Variants in TNRC18 observed in about 807,000 individuals in gnomAD.
TNRC18 encodes trinucleotide repeat-containing gene 18 protein.
In TNRC18, 69 loss-of-function variants were observed where a neutral mutation model predicts 226.7. The ratio of observed to expected loss-of-function variants is 0.30; its 90% CI spans 0.25 to 0.37. The LOEUF (loss-of-function observed/expected upper bound fraction) is 0.37, where lower values mean the gene tolerates loss of function less well. TNRC18 is among the 10% of genes least tolerant of loss of function. The probability of loss-of-function intolerance (pLI) is 1.00; values close to 1 mark genes in which losing one functional copy is unlikely to be tolerated. For synonymous variants in TNRC18, 2,449 were observed against 1,927.6 expected, an observed-to-expected ratio of 1.27 and a Z score of -7.09; for missense variants, 4,754 against 4,256.6, an observed-to-expected ratio of 1.12 and a Z score of -3.25.
chr7:5,374,211 C>CGGGGGGGGGGG lies in TNRC18; in HGVS notation c.3072_3073insCCCCCCCCCCC (p.Ala1025ProfsTer138). ...CTGGTGGGGTGGGAGCTGGGGGTGGCGGGGTAGGCGTAGGCGGGTGGCTTG... is the reference window on the plus strand; with the variant it reads ...CTGGTGGGGTGGGAGCTGGGGGTGGCGGGGGGGGGGGGGGGTAGGCGTAGGCGGGTGGCTTG... On this transcript the variant is annotated frameshift_variant, in exon 10 of 30. Transcript: ENST00000430969. LOFTEE classifies it high-confidence loss of function. 1.2e-6 allele frequency: 1 copy of CGGGGGGGGGGG among 841,668 alleles called. No individual in the cohort carries two copies. Among genetic ancestry groups the CGGGGGGGGGGG allele is most frequent in the Non-Finnish European group, 1.4e-6 (1 of 691,108 alleles). The allele number at this position is 841,668 out of a possible 1,614,324, so 52.1% of individuals were successfully genotyped here.
intron 17 of TNRC18, among the ~76,000 whole-genome samples, chr7:5,350,170 C>A (rs1791639251): frequency 6.6e-6 from 1 of 151,984 alleles, no homozygotes; most frequent in Non-Finnish European, 1.5e-5. Context: ...CGTAAACTAA[C>A]CCAGCTCATC....
chr7:5,337,103 G>C (rs1468572990), intron 18 of TNRC18, among the ~76,000 whole-genome samples: 13 of 152,082 alleles, frequency 8.5e-5, no homozygotes, highest in Admixed American at 8.5e-4. Flanking sequence ...GGCTGACAAA[G>C]ATAAACACGA....
chr7:5,315,997 A>AG lies in TNRC18; in HGVS notation c.6820dup (p.Leu2274ProfsTer10). ...AGGGGGCAGGAGGCGGATATGTGAG[A>AG]GGGGGATCCTGCCCGTGTCTCCGTC... is the stretch of plus-strand genomic sequence containing the variant. On this transcript the variant is annotated frameshift_variant, in exon 25 of 30. Transcript: ENST00000430969. LOFTEE classifies it high-confidence loss of function. 6.2e-7 allele frequency: 1 copy of AG among 1,602,770 alleles called. No homozygotes were observed. The highest frequency in any genetic ancestry group is 1.1e-5 in the South Asian group (1 of 89,440).
chr7:5,390,232 G>C (rs1445905963), intron 4 of TNRC18: 5 of 532,904 alleles, frequency 9.4e-6, no homozygotes, highest in East Asian at 6.2e-5. Context: ...GGCTGTGGTG[G>C]GGTGTGTCTG....
chr7:5,408,596 C>T (rs1781638025), intron 2 of TNRC18, among the ~76,000 whole-genome samples: 1 of 152,074 alleles, frequency 6.6e-6, no homozygotes, highest in African/African-American at 2.4e-5. Context: ...GAGCCAAGAT[C>T]ACGCCACTGC....
Position 5,377,348 on chromosome 7 carries a change from G to A in TNRC18, c.2461+23C>T, listed in dbSNP as rs1398628653. 6.7e-7 allele frequency: 1 copy of A among 1,501,238 alleles called. No homozygotes were observed. Among genetic ancestry groups the A allele is most frequent in the African/African-American group, 1.4e-5 (1 of 72,224 alleles). The allele number at this position is 1,501,238 out of a possible 1,614,324, so 93.0% of individuals were successfully genotyped here. On this transcript the variant is annotated intron_variant, in intron 7 of 29. Coordinates refer to ENST00000430969, the MANE Select transcript of TNRC18 (RefSeq NM_001080495.3). This position sits in a 1 kb window ranked among gnomAD's most constrained non-coding sequence, Gnocchi z 5.8. ...CCCACCCCTCCCTCAGAGAAGGGGAGAGACCCTGTGCCCCACACTCACCGT... is the reference window on the plus strand; with the variant it reads ...CCCACCCCTCCCTCAGAGAAGGGGAAAGACCCTGTGCCCCACACTCACCGT...
chr7:5,420,432 C>G (rs1782487779), intron 2 of TNRC18: 1 of 455,722 alleles, frequency 2.2e-6, no homozygotes, highest in African/African-American at 2.0e-5. Flanking sequence ...CCGGGGTCGC[C>G]GCCCTCCTAC....
chr7:5,369,354 A>C (rs1793937472), intron 11 of TNRC18, among the ~76,000 whole-genome samples: 1 of 152,190 alleles, frequency 6.6e-6, no homozygotes, highest in South Asian at 2.1e-4. Context: ...GGCTCAAAAA[A>C]AGAAAAACAA....
At position 5,357,190 on chromosome 7, in the gene TNRC18, G is replaced by T; in HGVS notation, c.4920C>A (p.Asp1640Glu). 6.2e-7 allele frequency: 1 copy of T among 1,610,612 alleles called. No homozygotes were observed. The highest frequency in any genetic ancestry group is 8.5e-7 in the Non-Finnish European group (1 of 1,178,612). Residue 1640 changes from aspartate (D) to glutamate (E), a missense_variant, in exon 16 of 30, where the codon GAC (aspartate) becomes GAA (glutamate). Transcript: ENST00000430969. ...AAAACTTGAAGGGCGACTTCAACTT[G>T]TCCTGCTTGGTGAGGGAGAGGGCCT... ...LDKALSLTKQDKLKSPFKFSD... is the reference protein window; with the variant it reads ...LDKALSLTKQEKLKSPFKFSD...
Position 5,423,587 on chromosome 7 carries a change from G to A in TNRC18, c.-390C>T, listed in dbSNP as rs1782698203. 1 of 151,716 alleles carries A rather than the reference G, an allele frequency of 6.6e-6. No individual in the cohort carries two copies. The highest frequency in any genetic ancestry group is 1.5e-5 in the Non-Finnish European group (1 of 67,864). 9.4% of individuals were successfully genotyped at this position (151,716 alleles called of 1,614,324 possible). A position where few individuals can be genotyped will look rare whatever the true frequency, so the allele number is the denominator to read the frequency against. ...CACCCGCAGCCGCCTCACACTTTTT[G>A]CCCGCCTTTCCTTTTTTTGGTAGAA... On this transcript the variant is annotated 5_prime_UTR_variant, in exon 1 of 30. Coordinates refer to ENST00000430969, the MANE Select transcript of TNRC18 (RefSeq NM_001080495.3).
intron 5 of TNRC18, among the ~76,000 whole-genome samples, chr7:5,380,308 T>G (rs904778263): frequency 1.3e-5 from 2 of 152,172 alleles, no homozygotes; most frequent in Non-Finnish European, 2.9e-5. Flanking sequence ...TAGCCAGGCA[T>G]GGTGTCATGC....
chr7:5,380,639 C>T (rs936201526), intron 5 of TNRC18, among the ~76,000 whole-genome samples: 5 of 152,186 alleles, frequency 3.3e-5, no homozygotes, highest in African/African-American at 4.8e-5. Context: ...CCAACATCAA[C>T]GTAGCTCCTG....
Position 5,370,920 on chromosome 7 carries a change from C to T in TNRC18, c.3674G>A (p.Gly1225Glu). ...CGGGGAATCCACCCGTGGTTCAGGCCCCTCCACAAAGTCTGGACACTCAGA... is the reference window on the plus strand; with the variant it reads ...CGGGGAATCCACCCGTGGTTCAGGCTCCTCCACAAAGTCTGGACACTCAGA... ...EPSECPDFVE[G>E]PEPRVDSPGR... Residue 1225 changes from glycine (G) to glutamate (E), a missense_variant, in exon 11 of 30, where the codon GGG becomes GAG. By Grantham distance (98) the Gly-to-Glu change is moderately conservative. Transcript: ENST00000430969. 1 of 1,605,512 alleles carries T rather than the reference C, an allele frequency of 6.2e-7. No individual in the cohort carries two copies. Among genetic ancestry groups the T allele is most frequent in the Non-Finnish European group, 8.5e-7 (1 of 1,179,730 alleles).
intron 14 of TNRC18, among the ~76,000 whole-genome samples, chr7:5,360,257 G>A (rs1206779556): frequency 6.6e-6 from 1 of 151,568 alleles, no homozygotes; most frequent in Non-Finnish European, 1.5e-5. Context: ...TTTAGATGGA[G>A]TCTCACTCTG....
chr7:5,372,825 C>T (rs940902645), intron 10 of TNRC18, among the ~76,000 whole-genome samples: 4 of 152,116 alleles, frequency 2.6e-5, no homozygotes, highest in Non-Finnish European at 4.4e-5. Context: ...GAGATCAAGA[C>T]CAGCCTTGGC....
intron 15 of TNRC18, 126 bp downstream of exon 15, chr7:5,359,272 G>T: frequency 1.0e-6 from 1 of 1,002,836 alleles, no homozygotes; most frequent in Non-Finnish European, 1.5e-6. Context: ...TTCCGGCATT[G>T]AAGACAACCA....
At chr7:5,420,851 A>G (rs1183948595) in intron 2 of TNRC18, 1 of 737,164 alleles carries the variant, frequency 1.4e-6, no homozygotes, top group Admixed American at 2.0e-5. Flanking sequence ...CAAGCACGCT[A>G]CGGAAAAGGT....
rs1471674058 is a variant in TNRC18 at position 5,313,461 on chromosome 7, G to T, written c.7430C>A (p.Ala2477Asp). ...CTCCCGGAGCAGCAGGGCCTCTTTA[G>T]CCTTCTTGCTTTTGGGTGACGTGAC... Reference protein sequence around the residue: ...EGVTSPKSKKAKEALLLREDP... With the variant: ...EGVTSPKSKKDKEALLLREDP... Residue 2477 changes from alanine (A) to aspartate (D), a missense_variant, in exon 27 of 30, where the codon GCT becomes GAT. By Grantham distance (126) the Ala-to-Asp change is moderately radical. Transcript: ENST00000430969. 1 of 1,612,966 alleles carries T rather than the reference G, an allele frequency of 6.2e-7. No individual in the cohort carries two copies. Among genetic ancestry groups the T allele is most frequent in the Non-Finnish European group, 8.5e-7 (1 of 1,179,464 alleles).
intron 9 of TNRC18, among the ~76,000 whole-genome samples, chr7:5,375,266 A>G (rs568285588): frequency 1.8e-4 from 28 of 152,248 alleles, no homozygotes; most frequent in Admixed American, 1.6e-3. Context: ...CCGAGATAGT[A>G]CCACTGCACT....
Sources: allele counts gnomAD v4.1 joint callset (sites outside exome capture counted in the v4.1 genomes callset), GRCh38; gene constraint gnomAD v4.1.1; non-coding constraint Gnocchi (gnomAD v3.1); transcripts MANE v1.5; gene names NCBI Gene and HGNC (gene_info 2026-07-23, HGNC 2026-07-21).